NCOA2: variants seen among roughly 807,000 people sequenced by gnomAD.
NCOA2 encodes the protein class E basic helix-loop-helix protein 75.
NCOA2 carries 21 observed loss-of-function variants against 145.1 expected under a neutral mutation model. The ratio of observed to expected loss-of-function variants is 0.14; its 90% CI spans 0.10 to 0.21. The LOEUF is 0.21. Ranked by LOEUF, NCOA2 falls within the 10% of genes least tolerant of loss-of-function variation. The probability of loss-of-function intolerance (pLI) is 1.00; values close to 1 mark genes in which losing one functional copy is unlikely to be tolerated. For missense variants in NCOA2, 1,472 were observed against 1,837.6 expected (o/e 0.80, Z 3.64); for synonymous variants, 619 against 637.5 (o/e 0.97, Z 0.44).
At chr8:70,150,822 AAC>A (rs1811661218) in intron 11 of NCOA2, among the ~76,000 whole-genome samples, 1 of 152,206 alleles carries the variant, frequency 6.6e-6, no homozygotes, top group Admixed American at 6.5e-5. Context: ...TAATCATATT[AAC>A]ACAAACTTTA....
At chr8:70,139,454 C>T (rs759294729) in intron 14 of NCOA2, among the ~76,000 whole-genome samples, 5 of 151,952 alleles carry the variant, frequency 3.3e-5, no homozygotes, top group South Asian at 2.1e-4. Context: ...TAGCATTTTT[C>T]GTGCTGTCAA....
Position 70,111,527 on chromosome 8 carries a change from C to G in NCOA2, c.*2105G>C, listed in dbSNP as rs1806536428. 1 of 217,546 alleles carries G rather than the reference C, an allele frequency of 4.6e-6. No homozygotes were observed. The highest frequency in any genetic ancestry group is 1.9e-4 in the South Asian group (1 of 5,400). 13.5% of individuals were successfully genotyped at this position (217,546 alleles called of 1,614,324 possible). On this transcript the variant is annotated 3_prime_UTR_variant, in exon 23 of 23. Transcript: ENST00000452400. ...ATGGTTTGGTGGAGAAAAGTAGAGCCTTTTGAGGGGATATATGAACTGGTG... is the reference window on the plus strand; with the variant it reads ...ATGGTTTGGTGGAGAAAAGTAGAGCGTTTTGAGGGGATATATGAACTGGTG...
the NCOA2 span, among the ~76,000 whole-genome samples, chr8:70,433,306 A>G: frequency 9.9e-5 from 15 of 152,022 alleles, no homozygotes; most frequent in East Asian, 2.9e-3. Flanking sequence ...ATAGCAATAT[A>G]TTTTGTTTGA....
chr8:70,401,572 A>G (rs1814252667), intron 1 of NCOA2, among the ~76,000 whole-genome samples: 1 of 152,126 alleles, frequency 6.6e-6, no homozygotes, highest in African/African-American at 2.4e-5. Flanking sequence ...TGACATCCCC[A>G]ATGCCGAAGT....
At chr8:70,450,573 C>CTTTTTTTTTTTTTATTTTTTTTTTTTT in the NCOA2 span, among the ~76,000 whole-genome samples, 1 of 94,652 alleles carries the variant, frequency 1.1e-5, no homozygotes, top group Non-Finnish European at 1.9e-5. Context: ...TCTTTTTATT[C>CTTTTTTTTTTTTTATTTTTTTTTTTTT]TTTTTTTTTT....
Position 70,314,180 on chromosome 8 carries a change from C to CAAAAAAAAAAAA in NCOA2, c.-76-17392_-76-17381dup, listed in dbSNP as rs61028027. On this transcript the variant is annotated intron_variant, in intron 1 of 22. Transcript: ENST00000452400. ...GGGCGACAGAGCAAGACTCTGACTCCAAAAAAAAAAAAAAAAAAAAAAAAA... is the reference window on the plus strand; with the variant it reads ...GGGCGACAGAGCAAGACTCTGACTCCAAAAAAAAAAAAAAAAAAAAAAAAAAAAAAAAAAAAA... Among the ~76,000 whole-genome samples the CAAAAAAAAAAAA allele has an allele frequency of 2.8e-3, 48 of 17,202 alleles. 6 individuals carry two copies. The highest frequency in any genetic ancestry group is 0.016 in the East Asian group (4 of 244). 11.3% of individuals were successfully genotyped at this position (17,202 alleles called of 152,430 possible). A position where few individuals can be genotyped will look rare whatever the true frequency, so the allele number is the denominator to read the frequency against.
intron 1 of NCOA2, among the ~76,000 whole-genome samples, chr8:70,376,827 T>C (rs1204293934): frequency 6.6e-6 from 1 of 152,184 alleles, no homozygotes; most frequent in Non-Finnish European, 1.5e-5. Flanking sequence ...GGTGTATCTT[T>C]CATCTTCAGC....
chr8:70,115,045 T>C (rs938019283), intron 22 of NCOA2, among the ~76,000 whole-genome samples: 3 of 152,230 alleles, frequency 2.0e-5, no homozygotes, highest in African/African-American at 7.2e-5. Context: ...TGTGTCACTT[T>C]TATGATTTCA....
intron 11 of NCOA2, among the ~76,000 whole-genome samples, chr8:70,150,306 A>T (rs780363229): frequency 6.6e-6 from 1 of 152,202 alleles, no homozygotes; most frequent in Non-Finnish European, 1.5e-5. Flanking sequence ...AGACAGGTCA[A>T]ATTATCCTTA....
chr8:70,317,987 T>C (rs2136113082), intron 1 of NCOA2, among the ~76,000 whole-genome samples: 1 of 152,290 alleles, frequency 6.6e-6, no homozygotes, highest in Admixed American at 6.5e-5. Flanking sequence ...TAAGACACTT[T>C]ACAAAAGGAA....
intron 1 of NCOA2, among the ~76,000 whole-genome samples, chr8:70,307,579 CATTT>C (rs1827993379): frequency 6.6e-6 from 1 of 152,210 alleles, no homozygotes; most frequent in Non-Finnish European, 1.5e-5. Context: ...AACTTATTGC[CATTT>C]AATTTCAGGA....
intron 1 of NCOA2, among the ~76,000 whole-genome samples, chr8:70,322,093 G>A (rs1430573073): frequency 6.6e-6 from 1 of 151,730 alleles, no homozygotes. Flanking sequence ...TCCAGCCTGG[G>A]CAACAAAGCA....
chr8:70,312,671 C>T (rs1485892026), intron 1 of NCOA2, among the ~76,000 whole-genome samples: 2 of 152,152 alleles, frequency 1.3e-5, no homozygotes, highest in African/African-American at 4.8e-5. Context: ...CTAACATCCA[C>T]ATTTTCATCT....
chr8:70,398,926 G>T (rs909036969), intron 1 of NCOA2, among the ~76,000 whole-genome samples: 1 of 152,164 alleles, frequency 6.6e-6, no homozygotes, highest in African/African-American at 2.4e-5. Context: ...ACAGTATTAG[G>T]ATCTACCTAC....
chr8:70,354,132 A>G (rs1809476854), intron 1 of NCOA2, among the ~76,000 whole-genome samples: 1 of 152,222 alleles, frequency 6.6e-6, no homozygotes, highest in African/African-American at 2.4e-5. Context: ...CAAACCCATT[A>G]CAGAGCATCA....
At position 70,123,928 on chromosome 8, in the gene NCOA2, T is replaced by C; in HGVS notation, c.4249A>G (p.Thr1417Ala). 4 of 1,613,830 alleles carry C rather than the reference T, an allele frequency of 2.5e-6. No individual in the cohort carries two copies. Among genetic ancestry groups the C allele is most frequent in the Non-Finnish European group, 3.4e-6 (4 of 1,179,814 alleles). Reference sequence around the variant, plus strand: ...GACAGCCCTGACGTAGGCACGGAGGTCACTGAGGTCATGCTGATCTGTCCT... The same window carrying C: ...GACAGCCCTGACGTAGGCACGGAGGCCACTGAGGTCATGCTGATCTGTCCT... The part of the protein sequence containing the change: ...MTGQISMTSV[T>A]SVPTSGLSSM... Residue 1417 changes from threonine (T) to alanine (A), a missense_variant, in exon 21 of 23, where the codon ACC (threonine) becomes GCC (alanine). This residue lies in a region of NCOA2 where 232 missense variants were observed against 290.6 expected (regional missense o/e 0.80). Coordinates refer to ENST00000452400, the MANE Select transcript of NCOA2 (RefSeq NM_006540.4).
intron 2 of NCOA2, among the ~76,000 whole-genome samples, chr8:70,288,909 T>TA (rs1191853589): frequency 2.6e-5 from 4 of 152,150 alleles, no homozygotes; most frequent in Non-Finnish European, 5.9e-5. Context: ...ACCTCTATAT[T>TA]AGAGAAAAAA....
chr8:70,239,901 T>C (rs901852924), intron 2 of NCOA2, among the ~76,000 whole-genome samples: 1 of 152,236 alleles, frequency 6.6e-6, no homozygotes, highest in Non-Finnish European at 1.5e-5. Flanking sequence ...TTAGCTGGCA[T>C]GACAGGCAGA....
intron 1 of NCOA2, among the ~76,000 whole-genome samples, chr8:70,399,582 A>G (rs1377865258): frequency 6.6e-6 from 1 of 152,258 alleles, no homozygotes; most frequent in Non-Finnish European, 1.5e-5. Flanking sequence ...GCATGTAATA[A>G]CATACATTAC....
Sources: allele counts gnomAD v4.1 joint callset (sites outside exome capture counted in the v4.1 genomes callset), GRCh38; gene constraint gnomAD v4.1.1; regional missense constraint gnomAD v4.1.1; transcripts MANE v1.5; gene names NCBI Gene and HGNC (gene_info 2026-07-23, HGNC 2026-07-21).